Variants in GLG1 observed in about 807,000 individuals in gnomAD.
GLG1 encodes the protein Golgi apparatus protein 1.
A neutral mutation model predicts 160.5 loss-of-function variants in GLG1; 38 were observed. The ratio of observed to expected loss-of-function variants is 0.24; its 90% CI spans 0.18 to 0.31. The LOEUF is 0.31. Ranked by LOEUF, GLG1 falls within the 10% of genes least tolerant of loss-of-function variation. The pLI is 1.00. For missense variants in GLG1, 1,373 were observed against 1,505.2 expected (o/e 0.91, Z 1.45); for synonymous variants, 644 against 543.4 (o/e 1.19, Z -2.57).
rs1447202367 is a variant in GLG1 at position 74,488,781 on chromosome 16, G to A, written c.1449+2220C>T. On this transcript the variant is annotated intron_variant, in intron 8 of 25. Transcript: ENST00000422840. ...ACTACAGGTGCATGCCACCACGCCCGGCTAATTTCGTATTTTTCATAGAGA... is the reference window on the plus strand; with the variant it reads ...ACTACAGGTGCATGCCACCACGCCCAGCTAATTTCGTATTTTTCATAGAGA... 4.0e-5 allele frequency among the ~76,000 whole-genome samples: 6 copies of A among 151,892 alleles called. No individual in the cohort carries two copies. In the South Asian group the frequency reaches 8.3e-4, roughly 21 times the overall value.
At chr16:74,591,909 T>C (rs1958193901) in intron 1 of GLG1, among the ~76,000 whole-genome samples, 1 of 152,168 alleles carries the variant, frequency 6.6e-6, no homozygotes, top group Non-Finnish European at 1.5e-5. Flanking sequence ...GGAGCAGAGT[T>C]TTCCTTTGAT....
intron 3 of GLG1, among the ~76,000 whole-genome samples, chr16:74,506,360 C>T (rs1243708108): frequency 2.6e-5 from 4 of 151,212 alleles, no homozygotes; most frequent in Non-Finnish European, 4.4e-5. Flanking sequence ...GGGCGGATCA[C>T]GAGGTCAGGA....
At chr16:74,603,342 A>G (rs1414018715) in intron 1 of GLG1, among the ~76,000 whole-genome samples, 1 of 150,520 alleles carries the variant, frequency 6.6e-6, no homozygotes, top group East Asian at 1.9e-4. Flanking sequence ...CCAGGGAGTC[A>G]GAGGTTGCAG....
chr16:74,531,372 G>A (rs2017526582), intron 2 of GLG1, among the ~76,000 whole-genome samples: 1 of 152,220 alleles, frequency 6.6e-6, no homozygotes, highest in Non-Finnish European at 1.5e-5. Flanking sequence ...AGGCTGGAGT[G>A]CAGTGGCACC....
In GLG1 at chr16:74,470,310, CTCCCTCCTTCCTTCCTTTCCTTCTTTCCT is replaced by C. The variant is rs2015153248; in HGVS notation, c.2230-266_2230-238del. Among the ~76,000 whole-genome samples, 4 of 142,870 alleles carry C rather than the reference CTCCCTCCTTCCTTCCTTTCCTTCTTTCCT, an allele frequency of 2.8e-5. 1 individual carries two copies. In the East Asian group the frequency reaches 6.3e-4, roughly 22 times the overall value. The allele number at this position is 142,870 out of a possible 152,430, so 93.7% of individuals were successfully genotyped here. Reference sequence around the variant, plus strand: ...TTCCTTTCCTTCCTTCCTTCCCTCCCTCCCTCCTTCCTTCCTTTCCTTCTTTCCTTCCCTCCTTCCTTCCTTCCCTCCTT... The same window carrying C: ...TTCCTTTCCTTCCTTCCTTCCCTCCCTCCCTCCTTCCTTCCTTCCCTCCTT... On this transcript the variant is annotated intron_variant, in intron 15 of 25. Coordinates refer to ENST00000422840, the MANE Select transcript of GLG1 (RefSeq NM_001145667.2).
At chr16:74,524,157 C>T (rs1013739090) in intron 2 of GLG1, among the ~76,000 whole-genome samples, 10 of 151,888 alleles carry the variant, frequency 6.6e-5, no homozygotes, top group East Asian at 3.9e-4. Context: ...TGCAGTGAGC[C>T]GAGATTGAGC....
At chr16:74,600,400 A>G (rs968834418) in intron 1 of GLG1, among the ~76,000 whole-genome samples, 1 of 151,944 alleles carries the variant, frequency 6.6e-6, no homozygotes, top group Non-Finnish European at 1.5e-5. Flanking sequence ...TTCAAAGAAA[A>G]AAAAGAACAA....
chr16:74,497,137 A>G (rs1291967238), intron 4 of GLG1, among the ~76,000 whole-genome samples: 1 of 151,848 alleles, frequency 6.6e-6, no homozygotes, highest in Non-Finnish European at 1.5e-5. Context: ...AAAATACAAA[A>G]AATTAGCCAG....
chr16:74,569,954 C>T (rs1012770716), intron 1 of GLG1, among the ~76,000 whole-genome samples: 2 of 149,142 alleles, frequency 1.3e-5, no homozygotes, highest in African/African-American at 2.5e-5. Flanking sequence ...AGGCTGAGGC[C>T]AGTGGATCGC....
chr16:74,458,305 A>G (rs1335158225), intron 23 of GLG1: 2 of 218,938 alleles, frequency 9.1e-6, no homozygotes, highest in African/African-American at 4.5e-5. Flanking sequence ...CCTAAACGTT[A>G]ATATTTTTAT....
chr16:74,494,568 G>A (rs7195198), intron 6 of GLG1, among the ~76,000 whole-genome samples, 192 bp downstream of exon 6: 101,217 of 150,952 alleles, frequency 0.67, 34,113 homozygotes, highest in East Asian at 0.81. Context: ...CACCACGGCC[G>A]ACTAATTTTT....
At chr16:74,525,837 A>G (rs2017315886) in intron 2 of GLG1, among the ~76,000 whole-genome samples, 1 of 151,404 alleles carries the variant, frequency 6.6e-6, no homozygotes, top group Admixed American at 6.6e-5. Flanking sequence ...TGTCTGATGC[A>G]CAAAAGTTTT....
At chr16:74,463,267 G>C (rs2014870825) in intron 20 of GLG1, 89 bp downstream of exon 20, 1 of 1,293,474 alleles carries the variant, frequency 7.7e-7, no homozygotes, top group Non-Finnish European at 1.1e-6. Flanking sequence ...AGGCAACAAA[G>C]CCCTGGGAGT....
At chr16:74,461,981 C>G in intron 22 of GLG1, 113 bp downstream of exon 22, 1 of 631,740 alleles carries the variant, frequency 1.6e-6, no homozygotes, top group Non-Finnish European at 2.8e-6. Context: ...AGAAGATGGC[C>G]TTCAATTCAC....
At chr16:74,572,519 A>T (rs113641800) in intron 1 of GLG1, among the ~76,000 whole-genome samples, 1 of 147,166 alleles carries the variant, frequency 6.8e-6, no homozygotes. Context: ...TCTCAAAAAA[A>T]AAACAAACAA....
chr16:74,485,964 C>T, intron 8 of GLG1, 47 bp from the exon 9 acceptor site: 1 of 1,524,212 alleles, frequency 6.6e-7, no homozygotes, highest in Non-Finnish European at 9.0e-7. Flanking sequence ...CACTTAGGTG[C>T]TAGGTAAGAG....
rs761499983 is a variant in GLG1 at position 74,496,549 on chromosome 16, G to C, written c.870C>G (p.Leu290=). ...CCACCCGGAGAATGGCTTTCTTGCA[G>C]AGTTCAGAAACTTGAATCTTGGGTT... is the stretch of plus-strand genomic sequence containing the variant. The part of the protein sequence containing the change: ...EREPKIQVSE[L]CKKAILRVAE... Residue 290 remains leucine (L), a synonymous_variant, in exon 5 of 26, where the codon CTC becomes CTG. Coordinates refer to ENST00000422840, the MANE Select transcript of GLG1 (RefSeq NM_001145667.2). The C allele has an allele frequency of 3.7e-6, 6 of 1,613,592 alleles. No individual in the cohort carries two copies. Among genetic ancestry groups the C allele is most frequent in the Non-Finnish European group, 4.2e-6 (5 of 1,179,580 alleles).
chr16:74,529,389 G>A (rs368827989), intron 2 of GLG1, among the ~76,000 whole-genome samples: 3 of 150,826 alleles, frequency 2.0e-5, no homozygotes, highest in Admixed American at 6.6e-5. Context: ...ACTAATTCTC[G>A]GTTGAAATAC....
intron 1 of GLG1, among the ~76,000 whole-genome samples, chr16:74,563,560 C>G (rs1195696962): frequency 6.6e-6 from 1 of 151,968 alleles, no homozygotes; most frequent in Non-Finnish European, 1.5e-5. Context: ...AACTCTGTCT[C>G]TAGCAGAAAC....
Sources: gnomAD v4.1 joint callset for allele counts (sites outside exome capture counted in the v4.1 genomes callset) on GRCh38, gnomAD v4.1.1 for gene constraint, MANE v1.5 for transcripts, NCBI Gene and HGNC (gene_info 2026-07-23, HGNC 2026-07-21) for gene names.